Variants in FBXW10 observed in about 807,000 individuals in gnomAD.
The protein encoded by FBXW10 is F-box and WD repeat domain containing 10, also known as F-box/WD repeat-containing protein 10.
Under a neutral mutation model 113.1 loss-of-function variants are expected in FBXW10, and 68 were observed. The observed-to-expected ratio is 0.60, with a 90% CI of 0.49 to 0.74. The LOEUF (loss-of-function observed/expected upper bound fraction) is 0.74, where lower values mean the gene tolerates loss of function less well. Ranked by LOEUF, FBXW10 falls within the 30% of genes least tolerant of loss-of-function variation. The pLI, the probability that FBXW10 is intolerant of heterozygous loss-of-function variation, is 0.00. For synonymous variants in FBXW10, 289 were observed against 481.6 expected (o/e 0.60, Z 5.24); for missense variants, 753 against 1,284.5 (o/e 0.59, Z 6.32).
intron 13 of FBXW10, 79 bp downstream of exon 13, chr17:18,775,271 C>G: frequency 1.1e-6 from 1 of 910,350 alleles, no homozygotes; most frequent in South Asian, 1.4e-5. Context: ...GCAAAATCCA[C>G]AGCAGGAGAT....
chr17:18,746,112 C>T (rs2035034143), intron 1 of FBXW10, among the ~76,000 whole-genome samples: 1 of 152,118 alleles, frequency 6.6e-6, no homozygotes, highest in South Asian at 2.1e-4. Flanking sequence ...AAACAGCCAG[C>T]TCTTGCTCGA....
At position 18,764,792 on chromosome 17, in the gene FBXW10, A is replaced by T; in HGVS notation, c.1484A>T (p.Gln495Leu). Residue 495 changes from glutamine (Q) to leucine (L), a missense_variant, in exon 8 of 14, where the codon CAG (glutamine) becomes CTG (leucine). By Grantham distance (113) the Gln-to-Leu change is moderately radical. Transcript: ENST00000395665. ...GVCTRIFGGH[Q>L]GTITCMDLCK... The stretch of plus-strand genomic sequence containing the variant: ...TGCACACGAATCTTCGGTGGTCACC[A>T]GGGGACTATCACTTGCATGGACTTG... 1 of 1,613,922 alleles carries T rather than the reference A, an allele frequency of 6.2e-7. No individual in the cohort carries two copies.
chr17:18,778,462 T>G lies in FBXW10; in HGVS notation c.2336-13T>G. 1 of 1,596,362 alleles carries G rather than the reference T, an allele frequency of 6.3e-7. No homozygotes were observed. Among genetic ancestry groups the G allele is most frequent in the Non-Finnish European group, 8.5e-7 (1 of 1,173,930 alleles). On this transcript the variant is annotated splice_polypyrimidine_tract_variant and intron_variant, in intron 13 of 13. Coordinates refer to ENST00000395665, the MANE Select transcript of FBXW10 (RefSeq NM_001267585.2). ...AACGCCGATTTTTTAAAATTTTCTTTTTTTTGAAAAAGCAGATGATGTGGA... is the reference window on the plus strand; with the variant it reads ...AACGCCGATTTTTTAAAATTTTCTTGTTTTTGAAAAAGCAGATGATGTGGA...
At chr17:18,755,041 T>C (rs2035232645) in intron 5 of FBXW10, among the ~76,000 whole-genome samples, 1 of 151,988 alleles carries the variant, frequency 6.6e-6, no homozygotes, top group Non-Finnish European at 1.5e-5. Context: ...GGCAGGCAGA[T>C]CACCTGAGGT....
At chr17:18,777,875 T>C (rs1445100831) in intron 13 of FBXW10, among the ~76,000 whole-genome samples, 1 of 152,022 alleles carries the variant, frequency 6.6e-6, no homozygotes, top group Non-Finnish European at 1.5e-5. Flanking sequence ...ATGTGTAGCA[T>C]TGAAATCACA....
chr17:18,772,613 G>A lies in FBXW10; in HGVS notation c.2208G>A (p.Val736=), dbSNP rs1267559216. The A allele has an allele frequency of 6.2e-7, 1 of 1,614,072 alleles. No homozygotes were observed. The highest frequency in any genetic ancestry group is 2.2e-5 in the East Asian group (1 of 44,888). Reference sequence around the variant, plus strand: ...AGTCTGTATCCAGTAAACAAACTGTGATCCAAGAGCTCCTACCAGGCAAAC... The same window carrying A: ...AGTCTGTATCCAGTAAACAAACTGTAATCCAAGAGCTCCTACCAGGCAAAC... ...PRESVSSKQT[V]IQELLPGKPP... The change falls in exon 12 of 14, where the codon GTG becomes GTA. Residue 736 remains valine, a synonymous_variant. Coordinates refer to ENST00000395665, the MANE Select transcript of FBXW10 (RefSeq NM_001267585.2).
chr17:18,767,986 TTTTTTTCTTTTA>T (rs1157557273), intron 9 of FBXW10, among the ~76,000 whole-genome samples: 1 of 150,886 alleles, frequency 6.6e-6, no homozygotes, highest in Non-Finnish European at 1.5e-5. Context: ...ATTGGCCTTC[TTTTTTTCTTTTA>T]TTTTTTCTTT....
chr17:18,761,351 C>T (rs934598196), intron 7 of FBXW10, among the ~76,000 whole-genome samples: 19 of 151,838 alleles, frequency 1.3e-4, no homozygotes, highest in African/African-American at 3.1e-4. Context: ...CTGCCAGCTC[C>T]GCCTTCCGTG....
rs756073865 is a variant in FBXW10 at position 18,750,005 on chromosome 17, T to C, written c.872-5T>C. 17 of 1,614,042 alleles carry C rather than the reference T, an allele frequency of 1.1e-5. No individual in the cohort carries two copies. The highest frequency in any genetic ancestry group is 9.9e-5 in the South Asian group (9 of 91,066). On this transcript the variant is annotated splice_region_variant and splice_polypyrimidine_tract_variant and intron_variant, in intron 3 of 13. Transcript: ENST00000395665. ...GGGTTTCTGGGTCCATCTTTTTTTT[T>C]CCAGGAATGCTGGATAGACACACCC...
At chr17:18,767,700 C>T (rs1258297408) in intron 9 of FBXW10, among the ~76,000 whole-genome samples, 1 of 152,148 alleles carries the variant, frequency 6.6e-6, no homozygotes, top group Non-Finnish European at 1.5e-5. Flanking sequence ...AAGTGGCTGG[C>T]TTGGCCTGTG....
intron 7 of FBXW10, among the ~76,000 whole-genome samples, chr17:18,760,014 C>T (rs2035350155): frequency 1.3e-5 from 2 of 152,154 alleles, no homozygotes; most frequent in African/African-American, 4.8e-5. Context: ...AAGGTATATT[C>T]TTAGTATGGG....
At chr17:18,758,960 A>G (rs12949129) in intron 7 of FBXW10, among the ~76,000 whole-genome samples, 53,265 of 151,716 alleles carry the variant, frequency 0.35, 9,580 homozygotes, top group East Asian at 0.62. Flanking sequence ...GAGGTCAGGA[A>G]ATCAAGACCA....
At chr17:18,759,214 T>C (rs1189434011) in intron 7 of FBXW10, among the ~76,000 whole-genome samples, 1 of 151,882 alleles carries the variant, frequency 6.6e-6, no homozygotes. Flanking sequence ...TAACAAACAC[T>C]CATGCATCCA....
At chr17:18,752,408 A>G (rs1302344381) in intron 5 of FBXW10, among the ~76,000 whole-genome samples, 1 of 152,164 alleles carries the variant, frequency 6.6e-6, no homozygotes, top group Non-Finnish European at 1.5e-5. Context: ...TAAAAACTAC[A>G]TAGGCCAAAG....
intron 4 of FBXW10, 111 bp from the exon 5 acceptor site, chr17:18,750,820 A>C: frequency 1.5e-6 from 2 of 1,307,182 alleles, no homozygotes; most frequent in South Asian, 3.0e-5. Flanking sequence ...GGGCTTACCC[A>C]TCCTTCACAT....
intron 5 of FBXW10, 95 bp from the exon 6 acceptor site, chr17:18,755,950 A>G: frequency 8.3e-7 from 1 of 1,208,382 alleles, no homozygotes; most frequent in South Asian, 1.4e-5. Context: ...AGAATCCGTG[A>G]GCCCTGTGCC....
intron 5 of FBXW10, among the ~76,000 whole-genome samples, chr17:18,752,120 A>C (rs916589704): frequency 1.3e-5 from 2 of 152,162 alleles, no homozygotes; most frequent in African/African-American, 4.8e-5. Context: ...ATCCAGAGAG[A>C]GCATCTAGCT....
intron 11 of FBXW10, among the ~76,000 whole-genome samples, chr17:18,771,768 C>T (rs2035616607): frequency 6.6e-6 from 1 of 152,120 alleles, no homozygotes. Context: ...TTCTTGGCAC[C>T]CTAGGTACGT....
chr17:18,763,195 C>T (rs897711220), intron 7 of FBXW10, among the ~76,000 whole-genome samples: 68 of 150,288 alleles, frequency 4.5e-4, no homozygotes, highest in Middle Eastern at 3.5e-3. Context: ...CTCACTCTGT[C>T]GCCCAGGCTG....
Sources: allele counts gnomAD v4.1 joint callset (sites outside exome capture counted in the v4.1 genomes callset), GRCh38; gene constraint gnomAD v4.1.1; transcripts MANE v1.5; gene names NCBI Gene and HGNC (gene_info 2026-07-23, HGNC 2026-07-21).